The following RPL38 variants were observed in gnomAD, a reference collection of about 807,000 sequenced individuals.
RPL38 encodes ribosomal protein L38.
Under a neutral mutation model 12.8 loss-of-function variants are expected in RPL38, and 2 were observed. That is an observed-to-expected ratio of 0.16 (90% CI 0.06 to 0.49). RPL38 has a LOEUF of 0.49. RPL38 is among the 20% of genes least tolerant of loss of function. The pLI is 0.96. For synonymous variants in RPL38, 42 were observed against 30.1 expected (o/e 1.39, Z -1.29); for missense variants, 52 against 79.8 (o/e 0.65, Z 1.33).
rs572446664 is a variant in RPL38, at chr17:74,209,794, T to C, written c.188-10T>C. The C allele has an allele frequency of 1.2e-6, 2 of 1,612,632 alleles. No homozygotes were observed. Among genetic ancestry groups the C allele is most frequent in the African/African-American group, 1.3e-5 (1 of 75,004 alleles). On this transcript the variant is annotated splice_polypyrimidine_tract_variant and intron_variant, in intron 4 of 4. Coordinates refer to ENST00000311111, the MANE Select transcript of RPL38 (RefSeq NM_000999.4). ...TTCTGGATGGCTTACTTTTGTCTCT[T>C]TCCCTCTAGGTTTGGCAGTGAAGGA... is the stretch of plus-strand genomic sequence containing the variant.
chr17:74,204,508 A>G lies in RPL38; in HGVS notation c.64+318A>G, dbSNP rs2050093316. 22 of 396,164 alleles carry G rather than the reference A, an allele frequency of 5.6e-5. 1 individual carries two copies. Among genetic ancestry groups the G allele is most frequent in the South Asian group, 5.1e-4 (20 of 39,310 alleles). 24.5% of individuals were successfully genotyped at this position (396,164 alleles called of 1,614,324 possible). A position where few individuals can be genotyped will look rare whatever the true frequency, so the allele number is the denominator to read the frequency against. The stretch of plus-strand genomic sequence containing the variant: ...GCGAAAGCCTCAAAACACACGTCCC[A>G]TAAACACTGTTTAGGTTCTCTGCAG... On this transcript the variant is annotated intron_variant, in intron 3 of 4. Transcript: ENST00000311111.
At position 74,209,904 on chromosome 17, in the gene RPL38, G is replaced by T; in HGVS notation, c.*75G>T. On this transcript the variant is annotated 3_prime_UTR_variant, in exon 5 of 5. Coordinates refer to ENST00000311111, the MANE Select transcript of RPL38 (RefSeq NM_000999.4). Reference sequence around the variant, plus strand: ...AAGTGTCTTTCGTCTTTGCGGATGGGAAAGGGAAAAATGCTACCTCGTAGT... The same window carrying T: ...AAGTGTCTTTCGTCTTTGCGGATGGTAAAGGGAAAAATGCTACCTCGTAGT... The T allele has an allele frequency of 7.5e-7, 1 of 1,333,792 alleles. No homozygotes were observed. Among genetic ancestry groups the T allele is most frequent in the Non-Finnish European group, 1.1e-6 (1 of 927,616 alleles). 82.6% of individuals were successfully genotyped at this position (1,333,792 alleles called of 1,614,324 possible).
chr17:74,209,046 T>G (rs1159893650), intron 3 of RPL38, 141 bp from the exon 4 acceptor site: 3 of 834,684 alleles, frequency 3.6e-6, no homozygotes, highest in Admixed American at 2.3e-5. Context: ...GTAATAGTGT[T>G]TTCTGTTTGC....
At chr17:74,205,718 T>C (rs1209258588) in intron 3 of RPL38, 1 of 152,104 alleles carries the variant, frequency 6.6e-6, no homozygotes, top group Non-Finnish European at 1.5e-5. Flanking sequence ...CACCGTTTGA[T>C]TGTGTTTTAA....
intron 3 of RPL38, among the ~76,000 whole-genome samples, chr17:74,208,405 T>C (rs2050134405): frequency 6.6e-6 from 1 of 152,206 alleles, no homozygotes; most frequent in Non-Finnish European, 1.5e-5. Flanking sequence ...GCCATGATCC[T>C]GAAATAGAAC....
At chr17:74,204,032 CCAAGGA>C (rs1297093162) in intron 2 of RPL38, 74 bp downstream of exon 2, 1 of 1,609,960 alleles carries the variant, frequency 6.2e-7, no homozygotes, top group East Asian at 2.2e-5. Flanking sequence ...AGAGAGCCTC[CCAAGGA>C]TCTCCTGAGG....
intron 3 of RPL38, among the ~76,000 whole-genome samples, chr17:74,208,476 G>A (rs2050134913): frequency 6.6e-6 from 1 of 152,204 alleles, no homozygotes; most frequent in Admixed American, 6.5e-5. Flanking sequence ...AACCCTGGGT[G>A]CGTGTTGTGC....
chr17:74,204,021 G>A (rs764016593), intron 2 of RPL38, 63 bp downstream of exon 2: 33 of 1,612,228 alleles, frequency 2.0e-5, no homozygotes, highest in South Asian at 1.6e-4. Flanking sequence ...GGGCGAGGGC[G>A]AGAGAGCCTC....
chr17:74,208,366 G>A (rs1473530000), intron 3 of RPL38, among the ~76,000 whole-genome samples: 1 of 152,192 alleles, frequency 6.6e-6, no homozygotes, highest in Non-Finnish European at 1.5e-5. Flanking sequence ...AGCTGAATTT[G>A]AGGTACACAG....
At chr17:74,209,055 G>A (rs1241324902) in intron 3 of RPL38, 132 bp from the exon 4 acceptor site, 2 of 898,378 alleles carry the variant, frequency 2.2e-6, no homozygotes, top group Non-Finnish European at 3.5e-6. Context: ...TTTTCTGTTT[G>A]CACAGAGGGA....
intron 3 of RPL38, 38 bp downstream of exon 3, chr17:74,204,228 C>T (rs755806018): frequency 5.4e-5 from 86 of 1,595,962 alleles, no homozygotes; most frequent in Non-Finnish European, 6.1e-5. Context: ...AGAGCGGTGC[C>T]TAGCCTGGCA....
At chr17:74,207,831 A>T (rs187414244) in intron 3 of RPL38, among the ~76,000 whole-genome samples, 10 of 152,134 alleles carry the variant, frequency 6.6e-5, no homozygotes, top group African/African-American at 2.4e-4. Flanking sequence ...AGAGCTCCAT[A>T]TGTCTTTACA....
intron 3 of RPL38, among the ~76,000 whole-genome samples, chr17:74,206,708 C>CTTTTTTTTTT (rs35333460): frequency 5.9e-5 from 6 of 101,592 alleles, no homozygotes; most frequent in South Asian, 3.1e-4. Flanking sequence ...TTTTTTCTTT[C>CTTTTTTTTTT]TTTTTTTTTT....
chr17:74,209,963 G>A lies in RPL38; in HGVS notation c.*134G>A, dbSNP rs533661325. ...ATGGGAACAGGACGCGGGTTCTGTT[G>A]CTGCCTTCCTGTGTCTTTTTTTTTT... On this transcript the variant is annotated 3_prime_UTR_variant, in exon 5 of 5. Coordinates refer to ENST00000311111, the MANE Select transcript of RPL38 (RefSeq NM_000999.4). 328 of 608,868 alleles carry A rather than the reference G, an allele frequency of 5.4e-4. No individual in the cohort carries two copies. The African/African-American group carries it at 5.5e-3, about 10-fold the overall frequency. 37.7% of individuals were successfully genotyped at this position (608,868 alleles called of 1,614,324 possible). A position where few individuals can be genotyped will look rare whatever the true frequency, so the allele number is the denominator to read the frequency against.
At position 74,203,715 on chromosome 17, in the gene RPL38, G is replaced by C. The variant is rs993269048; in HGVS notation, c.-69G>C. ...TTTCCCCGGTTGCTGCTTGCTGTGA[G>C]TGTCTCTAGGGTGATACGTGGGTGA... On this transcript the variant is annotated 5_prime_UTR_variant, in exon 1 of 5. Coordinates refer to ENST00000311111, the MANE Select transcript of RPL38 (RefSeq NM_000999.4). 1.9e-6 allele frequency: 1 copy of C among 519,416 alleles called. No individual in the cohort carries two copies. The highest frequency in any genetic ancestry group is 1.9e-5 in the African/African-American group (1 of 52,026). 32.2% of individuals were successfully genotyped at this position (519,416 alleles called of 1,614,324 possible).
chr17:74,209,946 A>G lies in RPL38; in HGVS notation c.*117A>G, dbSNP rs2143695627. The stretch of plus-strand genomic sequence containing the variant: ...CCTCGTAGTGGCTTCTGATGGGAAC[A>G]GGACGCGGGTTCTGTTGCTGCCTTC... On this transcript the variant is annotated 3_prime_UTR_variant, in exon 5 of 5. Coordinates refer to ENST00000311111, the MANE Select transcript of RPL38 (RefSeq NM_000999.4). 2.7e-6 allele frequency: 2 copies of G among 748,550 alleles called. No individual in the cohort carries two copies. Among genetic ancestry groups the G allele is most frequent in the Non-Finnish European group, 4.6e-6 (2 of 436,548 alleles). The allele number at this position is 748,550 out of a possible 1,614,324, so 46.4% of individuals were successfully genotyped here. A position where few individuals can be genotyped will look rare whatever the true frequency, so the allele number is the denominator to read the frequency against.
At chr17:74,209,689 T>G in intron 4 of RPL38, 115 bp from the exon 5 acceptor site, 1 of 876,864 alleles carries the variant, frequency 1.1e-6, no homozygotes, top group Admixed American at 2.0e-5. Flanking sequence ...ACTTCGCTGG[T>G]GGATCTAATT....
intron 3 of RPL38, among the ~76,000 whole-genome samples, chr17:74,207,598 C>G (rs945366698): frequency 6.6e-6 from 1 of 151,750 alleles, no homozygotes. Context: ...GGAATTTTGG[C>G]TCACTGCAAA....
At chr17:74,206,574 C>T in intron 3 of RPL38, among the ~76,000 whole-genome samples, 1 of 152,186 alleles carries the variant, frequency 6.6e-6, no homozygotes, top group Non-Finnish European at 1.5e-5. Context: ...AACCACCTTC[C>T]AATTTGTCCC....
Sources: gnomAD v4.1 joint callset for allele counts (sites outside exome capture counted in the v4.1 genomes callset) on GRCh38, gnomAD v4.1.1 for gene constraint, MANE v1.5 for transcripts, NCBI Gene and HGNC (gene_info 2026-07-23, HGNC 2026-07-21) for gene names.